The following PPP6R3 variants were observed in gnomAD, a reference collection of about 807,000 sequenced individuals.
PPP6R3 encodes the protein protein phosphatase 6 regulatory subunit 3, also known as serine/threonine-protein phosphatase 6 regulatory subunit 3.
Under a neutral mutation model 110.7 loss-of-function variants are expected in PPP6R3, and 38 were observed. The observed-to-expected ratio is 0.34, with a 90% CI of 0.26 to 0.45. The LOEUF (loss-of-function observed/expected upper bound fraction) is 0.45. Ranked by LOEUF, PPP6R3 falls within the 20% of genes least tolerant of loss-of-function variation. The probability of loss-of-function intolerance (pLI) is 1.00; values close to 1 mark genes in which losing one functional copy is unlikely to be tolerated. For synonymous variants in PPP6R3, 369 were observed against 373.5 expected, an observed-to-expected ratio of 0.99 and a Z score of 0.14; for missense variants, 870 against 1,062.4, an observed-to-expected ratio of 0.82 and a Z score of 2.52.
Position 68,614,267 on chromosome 11 carries a change from C to T in PPP6R3, c.*1150C>T. The T allele has an allele frequency of 9.7e-7, 1 of 1,031,792 alleles. No homozygotes were observed. The highest frequency in any genetic ancestry group is 1.2e-6 in the Non-Finnish European group (1 of 858,422). 63.9% of individuals were successfully genotyped at this position (1,031,792 alleles called of 1,614,324 possible). On this transcript the variant is annotated 3_prime_UTR_variant, in exon 24 of 24. Transcript: ENST00000393800. ...TGTATATATATAGTGATTATGGATA[C>T]TAATTCAATGTAATTTATAATTTTC...
At chr11:68,517,026 A>G (rs1206233626) in intron 1 of PPP6R3, among the ~76,000 whole-genome samples, 1 of 151,184 alleles carries the variant, frequency 6.6e-6, no homozygotes, top group African/African-American at 2.4e-5. Context: ...TTTAACAGTG[A>G]TGTTCCTTGG....
In PPP6R3 at chr11:68,613,469, G is replaced by A. The variant is rs1474815542; in HGVS notation, c.*352G>A. ...ATAAAAGTGAATACACAGATCTATT[G>A]TATTTGAAACATAACTTTGACAATT... On this transcript the variant is annotated 3_prime_UTR_variant, in exon 24 of 24. Transcript: ENST00000393800. 1.0e-6 allele frequency: 1 copy of A among 1,004,566 alleles called. No homozygotes were observed. Among genetic ancestry groups the A allele is most frequent in the African/African-American group, 1.7e-5 (1 of 57,890 alleles). 62.2% of individuals were successfully genotyped at this position (1,004,566 alleles called of 1,614,324 possible).
chr11:68,492,744 T>A (rs1033427548), intron 1 of PPP6R3, among the ~76,000 whole-genome samples: 2 of 152,204 alleles, frequency 1.3e-5, no homozygotes, highest in Non-Finnish European at 2.9e-5. Flanking sequence ...ACATGAGGGT[T>A]CCACTTTGCC....
rs1224907871 is a variant in PPP6R3, at chr11:68,591,661, A to C, written c.1871A>C (p.Glu624Ala). The change falls in exon 18 of 24, where the codon GAG becomes GCG. Residue 624 changes from glutamate (E) to alanine (A), a missense_variant. Physicochemically the swap from Glu to Ala is moderately radical, Grantham distance 107. Coordinates refer to ENST00000393800, the MANE Select transcript of PPP6R3 (RefSeq NM_001164161.2). ...GGCTCTGATGAGGAAGATATATGGGAGGAAAAGCACATCGCATTCACACCA... is the reference window on the plus strand; with the variant it reads ...GGCTCTGATGAGGAAGATATATGGGCGGAAAAGCACATCGCATTCACACCA... ...DGGSDEEDIW[E>A]EKHIAFTPES... 6.2e-7 allele frequency: 1 copy of C among 1,613,524 alleles called. No individual in the cohort carries two copies. Among genetic ancestry groups the C allele is most frequent in the Non-Finnish European group, 8.5e-7 (1 of 1,179,754 alleles).
At chr11:68,476,859 A>G (rs1260272838) in intron 1 of PPP6R3, among the ~76,000 whole-genome samples, 2 of 151,490 alleles carry the variant, frequency 1.3e-5, no homozygotes, top group African/African-American at 2.4e-5. Flanking sequence ...CCAGCTCTAC[A>G]TATATATATT....
At chr11:68,595,996 G>A in intron 18 of PPP6R3, 101 bp from the exon 19 acceptor site, 15 of 1,435,660 alleles carry the variant, frequency 1.0e-5, no homozygotes, top group Non-Finnish European at 1.4e-5. Flanking sequence ...TCCTGCTGAA[G>A]CACCACAGGA....
chr11:68,494,308 G>A (rs1486534773), intron 1 of PPP6R3, among the ~76,000 whole-genome samples: 2 of 148,926 alleles, frequency 1.3e-5, no homozygotes, highest in African/African-American at 2.5e-5. Flanking sequence ...GGCGGATCAC[G>A]AGGTCAGGAG....
rs139775907 is a variant in PPP6R3 at position 68,582,289 on chromosome 11, A to G, written c.1546-754A>G. Reference sequence around the variant, plus strand: ...CCCTTGCCATATAGCAATCACTACTATTAGTGCTGTACTTAATTATTTGTT... The same window carrying G: ...CCCTTGCCATATAGCAATCACTACTGTTAGTGCTGTACTTAATTATTTGTT... On this transcript the variant is annotated intron_variant, in intron 14 of 23. Transcript: ENST00000393800. Among the ~76,000 whole-genome samples, 837 of 152,366 alleles carry G rather than the reference A, an allele frequency of 5.5e-3. 5 individuals are homozygous for G. Among genetic ancestry groups the G allele is most frequent in the Non-Finnish European group, 9.3e-3 (635 of 68,038 alleles).
At chr11:68,540,076 G>T (rs1201323766) in intron 3 of PPP6R3, among the ~76,000 whole-genome samples, 1 of 152,196 alleles carries the variant, frequency 6.6e-6, no homozygotes, top group African/African-American at 2.4e-5. Flanking sequence ...TGGAGTGAAG[G>T]TGGAGCACCT....
intron 1 of PPP6R3, among the ~76,000 whole-genome samples, chr11:68,473,492 A>G (rs1295121932): frequency 6.6e-6 from 1 of 152,198 alleles, no homozygotes; most frequent in Non-Finnish European, 1.5e-5. Context: ...AAGTTCTGTA[A>G]GCCACTCTAG....
At chr11:68,483,406 A>G (rs2098927969) in intron 1 of PPP6R3, among the ~76,000 whole-genome samples, 1 of 152,248 alleles carries the variant, frequency 6.6e-6, no homozygotes, top group Admixed American at 6.5e-5. Flanking sequence ...CACTTCTGTG[A>G]TAACATCCCT....
intron 2 of PPP6R3, among the ~76,000 whole-genome samples, chr11:68,528,173 G>A (rs1317711776): frequency 2.0e-5 from 3 of 152,052 alleles, no homozygotes; most frequent in Non-Finnish European, 1.5e-5. Context: ...TTTAATACCT[G>A]TTGATTAATA....
chr11:68,599,222 G>A (rs2099623110), intron 19 of PPP6R3, among the ~76,000 whole-genome samples: 1 of 152,214 alleles, frequency 6.6e-6, no homozygotes, highest in Non-Finnish European at 1.5e-5. Flanking sequence ...GGAATGCAGT[G>A]GTTCCCACAT....
intron 23 of PPP6R3, among the ~76,000 whole-genome samples, chr11:68,612,194 G>A (rs984431594): frequency 6.6e-6 from 1 of 152,194 alleles, no homozygotes; most frequent in African/African-American, 2.4e-5. Context: ...AGTTCCAGAA[G>A]TCTCGATTCC....
chr11:68,480,623 C>G (rs74334702), intron 1 of PPP6R3, among the ~76,000 whole-genome samples: 2,077 of 152,196 alleles, frequency 0.014, 57 homozygotes, highest in African/African-American at 0.047. Flanking sequence ...GTTGGCCAGT[C>G]CAGCAAATGT....
chr11:68,544,632 T>G (rs571064546), intron 3 of PPP6R3, among the ~76,000 whole-genome samples: 192 of 152,372 alleles, frequency 1.3e-3, no homozygotes, highest in Non-Finnish European at 2.4e-3. Context: ...TTGTTAAAGC[T>G]TGGTTTAAAA....
intron 1 of PPP6R3, among the ~76,000 whole-genome samples, chr11:68,507,245 C>CT (rs1565485429): frequency 2.5e-5 from 3 of 121,582 alleles, no homozygotes; most frequent in East Asian, 4.5e-4. Context: ...AGTCTTTTTG[C>CT]ATTTTTTTTT....
chr11:68,483,912 G>A (rs1215397838), intron 1 of PPP6R3, among the ~76,000 whole-genome samples: 4 of 152,144 alleles, frequency 2.6e-5, no homozygotes, highest in African/African-American at 7.2e-5. Context: ...AACCTCTGGC[G>A]ACCACTAATC....
intron 13 of PPP6R3, among the ~76,000 whole-genome samples, chr11:68,575,067 T>C (rs889435193): frequency 6.6e-5 from 10 of 152,238 alleles, no homozygotes; most frequent in Non-Finnish European, 1.2e-4. Context: ...TTTTGCTTCT[T>C]GAGAGAGGCA....
Sources: allele counts gnomAD v4.1 joint callset (sites outside exome capture counted in the v4.1 genomes callset), GRCh38; gene constraint gnomAD v4.1.1; transcripts MANE v1.5; gene names NCBI Gene and HGNC (gene_info 2026-07-23, HGNC 2026-07-21).